Variants in GREB1L observed in about 807,000 individuals in gnomAD.
The protein encoded by GREB1L is GREB1-like protein.
A neutral mutation model predicts 200.8 loss-of-function variants in GREB1L; 17 were observed. The ratio of observed to expected loss-of-function variants is 0.08; its 90% CI spans 0.06 to 0.13. The LOEUF (loss-of-function observed/expected upper bound fraction) is 0.13, where lower values mean the gene tolerates loss of function less well. GREB1L is among the 10% of genes least tolerant of loss of function. The pLI, the probability that GREB1L is intolerant of heterozygous loss-of-function variation, is 1.00. For missense variants in GREB1L, 1,657 were observed against 2,367.7 expected (o/e 0.70, Z 6.23); for synonymous variants, 789 against 893.0 (o/e 0.88, Z 2.08).
At chr18:21,488,469 T>G (rs1258597983) in intron 18 of GREB1L, among the ~76,000 whole-genome samples, 1 of 152,114 alleles carries the variant, frequency 6.6e-6, no homozygotes, top group Non-Finnish European at 1.5e-5. Context: ...GTATTTTAAG[T>G]AGAATTATAG....
intron 4 of GREB1L, among the ~76,000 whole-genome samples, chr18:21,390,874 A>AAACAG (rs1326574223): frequency 6.6e-6 from 1 of 152,246 alleles, no homozygotes; most frequent in Non-Finnish European, 1.5e-5. Context: ...AAACAAAACA[A>AAACAG]AAATTTTAAT....
rs1442230547 is a variant in GREB1L, at chr18:21,505,280, C to T, written c.4073-132C>T. 8.0e-6 allele frequency: 6 copies of T among 754,658 alleles called. No homozygotes were observed. In the East Asian group the frequency reaches 8.1e-5, roughly 10 times the overall value. The allele number at this position is 754,658 out of a possible 1,614,324, so 46.7% of individuals were successfully genotyped here. On this transcript the variant is annotated intron_variant, in intron 23 of 32. Coordinates refer to ENST00000424526, the MANE Select transcript of GREB1L (RefSeq NM_001142966.3). The stretch of plus-strand genomic sequence containing the variant: ...AACAATTCTGCCTCCTCTACTGGGA[C>T]AGGGGAGCTCATTTTTCAGAAATGC...
At chr18:21,336,232 A>G (rs1011641891) in intron 1 of GREB1L, among the ~76,000 whole-genome samples, 2 of 152,226 alleles carry the variant, frequency 1.3e-5, no homozygotes, top group African/African-American at 4.8e-5. Flanking sequence ...AATGGGAAGC[A>G]ACCACCCTCT....
At chr18:21,355,136 A>G (rs2039484962) in intron 1 of GREB1L, among the ~76,000 whole-genome samples, 3 of 152,090 alleles carry the variant, frequency 2.0e-5, no homozygotes, top group Admixed American at 2.0e-4. Flanking sequence ...CAAGAGATCA[A>G]GTCAGAAGCT....
chr18:21,380,445 A>G (rs1260646304), intron 2 of GREB1L: 1 of 152,150 alleles, frequency 6.6e-6, no homozygotes, highest in African/African-American at 2.4e-5. Context: ...TTGGCATTCC[A>G]GATAAATTTT....
intron 24 of GREB1L, 87 bp downstream of exon 24, chr18:21,505,654 T>C: frequency 3.4e-6 from 5 of 1,452,770 alleles, no homozygotes; most frequent in Non-Finnish European, 4.6e-6. Flanking sequence ...TCTTTCGCTC[T>C]TATGCGCATC....
chr18:21,517,842 A>G (rs2037474199), intron 30 of GREB1L, among the ~76,000 whole-genome samples, 192 bp from the exon 31 acceptor site: 1 of 152,212 alleles, frequency 6.6e-6, no homozygotes, highest in African/African-American at 2.4e-5. Flanking sequence ...TGTAACTTAC[A>G]TTAAATCCTA....
chr18:21,292,322 C>CT (rs1325738288), intron 1 of GREB1L, among the ~76,000 whole-genome samples: 3 of 152,156 alleles, frequency 2.0e-5, no homozygotes, highest in Non-Finnish European at 4.4e-5. Flanking sequence ...AAACTGTACT[C>CT]TAAGTCAAAG....
At chr18:21,320,718 A>G (rs1355731155) in intron 1 of GREB1L, among the ~76,000 whole-genome samples, 1 of 151,910 alleles carries the variant, frequency 6.6e-6, no homozygotes, top group Non-Finnish European at 1.5e-5. Flanking sequence ...GTGAGCTGAG[A>G]TCGCGCCACT....
chr18:21,493,675 G>A (rs2036428277), intron 19 of GREB1L, among the ~76,000 whole-genome samples: 1 of 151,876 alleles, frequency 6.6e-6, no homozygotes, highest in Non-Finnish European at 1.5e-5. Context: ...AGACCAGCCT[G>A]GCCAATATGG....
chr18:21,242,968 GCGTC>G (rs901440329), intron 1 of GREB1L, among the ~76,000 whole-genome samples: 1 of 152,144 alleles, frequency 6.6e-6, no homozygotes, highest in Non-Finnish European at 1.5e-5. Context: ...CGCTCGCTCG[GCGTC>G]TGTGGGTTTT....
At chr18:21,509,985 T>C (rs1347393433) in intron 27 of GREB1L, among the ~76,000 whole-genome samples, 1 of 151,948 alleles carries the variant, frequency 6.6e-6, no homozygotes, top group Non-Finnish European at 1.5e-5. Context: ...GGTGGGTGGA[T>C]CATCTGAGGT....
chr18:21,260,220 T>A (rs1372157171), intron 1 of GREB1L, among the ~76,000 whole-genome samples: 1 of 151,964 alleles, frequency 6.6e-6, no homozygotes, highest in Non-Finnish European at 1.5e-5. Flanking sequence ...AAGCTGTGTG[T>A]ACTCTAATTT....
At chr18:21,289,005 G>A (rs1227636652) in intron 1 of GREB1L, among the ~76,000 whole-genome samples, 1 of 152,058 alleles carries the variant, frequency 6.6e-6, no homozygotes. Context: ...CAAAGTGCTG[G>A]GATTACAGGC....
chr18:21,423,214 C>T (rs559497843), intron 7 of GREB1L, among the ~76,000 whole-genome samples: 26 of 152,304 alleles, frequency 1.7e-4, no homozygotes, highest in Admixed American at 5.2e-4. Flanking sequence ...CAGGATGAGC[C>T]ACCATGCCTG....
chr18:21,338,345 T>C (rs1464978410), intron 1 of GREB1L, among the ~76,000 whole-genome samples: 4 of 152,252 alleles, frequency 2.6e-5, no homozygotes, highest in Non-Finnish European at 5.9e-5. Context: ...ATTCTGAATG[T>C]AAAGAGTGTT....
At chr18:21,380,181 C>G (rs1356607482) in intron 2 of GREB1L, 1 of 152,186 alleles carries the variant, frequency 6.6e-6, no homozygotes, top group Non-Finnish European at 1.5e-5. Flanking sequence ...GCATACTACG[C>G]ACTGCCACCA....
intron 1 of GREB1L, among the ~76,000 whole-genome samples, chr18:21,283,091 A>G (rs1274143608): frequency 1.3e-5 from 2 of 152,166 alleles, no homozygotes; most frequent in East Asian, 3.8e-4. Context: ...AAATTCCTAG[A>G]AAGTCTCCAC....
intron 4 of GREB1L, among the ~76,000 whole-genome samples, chr18:21,384,876 A>T (rs1295429524): frequency 2.0e-5 from 3 of 147,500 alleles, no homozygotes; most frequent in African/African-American, 7.5e-5. Flanking sequence ...TCCGATATAG[A>T]GGATTAAAAT....
Sources: gnomAD v4.1 joint callset for allele counts (sites outside exome capture counted in the v4.1 genomes callset) on GRCh38, gnomAD v4.1.1 for gene constraint, MANE v1.5 for transcripts, NCBI Gene and HGNC (gene_info 2026-07-23, HGNC 2026-07-21) for gene names.